BMAL2: variants seen among roughly 807,000 people sequenced by gnomAD.
The protein encoded by BMAL2 is basic helix-loop-helix ARNT like 2.
chr12:27,377,202 G>A, the BMAL2 span, among the ~76,000 whole-genome samples: 1 of 152,146 alleles, frequency 6.6e-6, no homozygotes, highest in Non-Finnish European at 1.5e-5. Flanking sequence ...GGCAGTAACT[G>A]TACACAGAAT....
the BMAL2 span, among the ~76,000 whole-genome samples, chr12:27,351,945 T>TAAA: frequency 2.0e-5 from 3 of 151,980 alleles, no homozygotes; most frequent in Non-Finnish European, 4.4e-5. Context: ...TTTAATATTT[T>TAAA]TAGACCATTT....
chr12:27,355,500 T>C, the BMAL2 span, among the ~76,000 whole-genome samples: 8 of 152,324 alleles, frequency 5.3e-5, no homozygotes, highest in South Asian at 1.4e-3. Flanking sequence ...TTCAGCTCCT[T>C]CTGTGTGTCT....
At chr12:27,407,084 T>C in the BMAL2 span, among the ~76,000 whole-genome samples, 1 of 152,230 alleles carries the variant, frequency 6.6e-6, no homozygotes, top group African/African-American at 2.4e-5. Flanking sequence ...AGCACCCAGA[T>C]TCATAAAGCA....
At chr12:27,346,055 C>T in the BMAL2 span, among the ~76,000 whole-genome samples, 1 of 152,176 alleles carries the variant, frequency 6.6e-6, no homozygotes, top group Admixed American at 6.5e-5. Context: ...AATGTGTGAA[C>T]AAATGAATGA....
At chr12:27,385,417 T>C in the BMAL2 span, 7 of 958,384 alleles carry the variant, frequency 7.3e-6, no homozygotes, top group Non-Finnish European at 1.2e-5. Context: ...GCATTGCTAA[T>C]GTTCATTAAG....
the BMAL2 span, among the ~76,000 whole-genome samples, chr12:27,410,924 A>G: frequency 6.6e-6 from 1 of 152,120 alleles, no homozygotes. Context: ...ACATAACTAT[A>G]TCATTATAGC....
the BMAL2 span, chr12:27,418,310 G>GT: frequency 4.2e-5 from 27 of 643,366 alleles, no homozygotes; most frequent in South Asian, 5.7e-4. Context: ...TAAAACTAAG[G>GT]TTTTTTTCAG....
At chr12:27,372,990 A>G in the BMAL2 span, among the ~76,000 whole-genome samples, 682 of 152,236 alleles carry the variant, frequency 4.5e-3, 6 homozygotes, top group African/African-American at 0.016. Context: ...ATTATTTTCA[A>G]TTGCTTGATT....
At chr12:27,404,378 A>G in the BMAL2 span, among the ~76,000 whole-genome samples, 2 of 152,060 alleles carry the variant, frequency 1.3e-5, no homozygotes, top group East Asian at 1.9e-4. Context: ...AAATAGATCA[A>G]TGTAAAAGAT....
chr12:27,360,958 T>G, the BMAL2 span, among the ~76,000 whole-genome samples: 1 of 152,292 alleles, frequency 6.6e-6, no homozygotes, highest in South Asian at 2.1e-4. Context: ...ATAAATTATT[T>G]TTAACCAAAA....
At chr12:27,352,956 A>G in the BMAL2 span, among the ~76,000 whole-genome samples, 2 of 152,224 alleles carry the variant, frequency 1.3e-5, no homozygotes, top group East Asian at 1.9e-4. Flanking sequence ...AAAACATTCC[A>G]TGCTCATGGA....
the BMAL2 span, among the ~76,000 whole-genome samples, chr12:27,349,532 C>T: frequency 2.2e-3 from 333 of 152,260 alleles, no homozygotes; most frequent in African/African-American, 7.3e-3. Context: ...CTTAATTTGT[C>T]TCAGACCTCA....
At chr12:27,420,624 T>C in the BMAL2 span, 19 of 1,333,590 alleles carry the variant, frequency 1.4e-5, no homozygotes, top group Non-Finnish European at 1.8e-5. Context: ...TGTATTGATA[T>C]TGTTTGTATC....
At chr12:27,337,411 GT>G in the BMAL2 span, among the ~76,000 whole-genome samples, 2 of 146,658 alleles carry the variant, frequency 1.4e-5, no homozygotes, top group East Asian at 4.3e-4. Flanking sequence ...CTTGACCAAA[GT>G]GCCTCCACCT....
At chr12:27,406,668 G>A in the BMAL2 span, among the ~76,000 whole-genome samples, 6 of 152,204 alleles carry the variant, frequency 3.9e-5, no homozygotes. Flanking sequence ...TTGAGGCTAG[G>A]AAGAAACTGC....
the BMAL2 span, among the ~76,000 whole-genome samples, chr12:27,388,407 C>T: frequency 2.6e-5 from 4 of 152,180 alleles, no homozygotes; most frequent in East Asian, 5.8e-4. Context: ...TCGGCTGGTC[C>T]GTTAGTCCTG....
chr12:27,332,924 TGCGGTGGCGGCCGCC>T, the BMAL2 span: 8 of 397,412 alleles, frequency 2.0e-5, no homozygotes, highest in Non-Finnish European at 2.9e-5. Flanking sequence ...GCCTACGGGC[TGCGGTGGCGGCCGCC>T]GCGGCACCCG....
the BMAL2 span, among the ~76,000 whole-genome samples, chr12:27,340,081 C>T: frequency 1.3e-5 from 2 of 152,284 alleles, no homozygotes; most frequent in South Asian, 4.1e-4. Flanking sequence ...GTTTCCTTTG[C>T]TGTGTAGAAG....
At chr12:27,388,096 CAT>C in the BMAL2 span, among the ~76,000 whole-genome samples, 2,991 of 151,020 alleles carry the variant, frequency 0.02, 82 homozygotes, top group African/African-American at 0.07. Flanking sequence ...TGCACACACA[CAT>C]GCACGCACAC....
Sources: allele counts gnomAD v4.1 joint callset (sites outside exome capture counted in the v4.1 genomes callset), GRCh38; gene constraint gnomAD v4.1.1; transcripts MANE v1.5; gene names NCBI Gene and HGNC (gene_info 2026-07-23, HGNC 2026-07-21).